SSBP3: variants seen among roughly 807,000 people sequenced by gnomAD.
SSBP3 encodes single stranded DNA binding protein 3, also known as single-stranded DNA-binding protein 3.
SSBP3 carries 5 observed loss-of-function variants against 69.6 expected under a neutral mutation model. The ratio of observed to expected loss-of-function variants is 0.07; its 90% CI spans 0.04 to 0.15. The LOEUF (loss-of-function observed/expected upper bound fraction) is 0.15, where lower values mean the gene tolerates loss of function less well. SSBP3 is among the 10% of genes least tolerant of loss of function. The pLI, the probability that SSBP3 is intolerant of heterozygous loss-of-function variation, is 1.00. For missense variants in SSBP3, 312 were observed against 534.0 expected (o/e 0.58, Z 4.10); for synonymous variants, 196 against 193.4 (o/e 1.01, Z -0.11).
At chr1:54,253,523 G>A (rs764739837) in intron 7 of SSBP3, among the ~76,000 whole-genome samples, 16 of 152,084 alleles carry the variant, frequency 1.1e-4, no homozygotes, top group African/African-American at 1.9e-4. Flanking sequence ...TGCTGTTTCC[G>A]TCTGCCTGGG....
intron 4 of SSBP3, among the ~76,000 whole-genome samples, chr1:54,288,008 A>T (rs1645523034): frequency 6.6e-6 from 1 of 152,122 alleles, no homozygotes; most frequent in Non-Finnish European, 1.5e-5. Flanking sequence ...GTGTGGGAGG[A>T]GGGATGGATG....
chr1:54,317,114 G>A (rs1467861650), intron 4 of SSBP3, among the ~76,000 whole-genome samples: 1 of 152,188 alleles, frequency 6.6e-6, no homozygotes, highest in East Asian at 1.9e-4. Flanking sequence ...AGGCAAAGAT[G>A]TTCACTGCAG....
intron 9 of SSBP3, among the ~76,000 whole-genome samples, chr1:54,249,072 T>A (rs1644781273): frequency 6.6e-6 from 1 of 151,992 alleles, no homozygotes; most frequent in African/African-American, 2.4e-5. Flanking sequence ...GACCCTCACT[T>A]CTTTAAAGTG....
chr1:54,382,923 T>C (rs374996374), intron 4 of SSBP3, among the ~76,000 whole-genome samples: 2 of 135,302 alleles, frequency 1.5e-5, no homozygotes, highest in East Asian at 2.2e-4. Context: ...AGGCGGAGGC[T>C]GCGGTGAGCC....
At position 54,316,647 on chromosome 1, in the gene SSBP3, CAAAAAA is replaced by C. The variant is rs1199647407; in HGVS notation, c.277-35126_277-35121del. ...TGGGCGACAGAGCGAGACTCCGTCT[CAAAAAA>C]AAAAAATAAAATAAATAAATAAATA... is the stretch of plus-strand genomic sequence containing the variant. On this transcript the variant is annotated intron_variant, in intron 4 of 17. Coordinates refer to ENST00000610401, the Ensembl canonical transcript of SSBP3. Among the ~76,000 whole-genome samples, 36 of 34,066 alleles carry C rather than the reference CAAAAAA, an allele frequency of 1.1e-3. 1 individual carries two copies. Among genetic ancestry groups the C allele is most frequent in the East Asian group, 9.0e-3 (10 of 1,110 alleles). The allele number at this position is 34,066 out of a possible 152,430, so 22.3% of individuals were successfully genotyped here.
chr1:54,256,506 A>AT (rs1360919852), intron 7 of SSBP3, among the ~76,000 whole-genome samples: 2 of 152,266 alleles, frequency 1.3e-5, no homozygotes, highest in East Asian at 3.9e-4. Context: ...AGCGTAAGGC[A>AT]TATGACCCCA....
intron 4 of SSBP3, among the ~76,000 whole-genome samples, chr1:54,343,496 A>G (rs981781567): frequency 6.6e-5 from 10 of 152,204 alleles, no homozygotes; most frequent in Non-Finnish European, 1.2e-4. Flanking sequence ...AACGGACACT[A>G]AGAGGCCATG....
At chr1:54,326,073 G>T (rs546802528) in intron 4 of SSBP3, among the ~76,000 whole-genome samples, 1 of 152,214 alleles carries the variant, frequency 6.6e-6, no homozygotes, top group East Asian at 1.9e-4. Flanking sequence ...AGGGATGGCG[G>T]TGCTGATGGC....
chr1:54,319,308 C>T (rs1199985874), intron 4 of SSBP3, among the ~76,000 whole-genome samples: 4 of 152,066 alleles, frequency 2.6e-5, no homozygotes, highest in African/African-American at 7.2e-5. Flanking sequence ...TGCACAGTGA[C>T]GGTCACCTTC....
chr1:54,364,883 C>T (rs12063509), intron 4 of SSBP3, among the ~76,000 whole-genome samples: 13,791 of 152,176 alleles, frequency 0.091, 1,690 homozygotes, highest in African/African-American at 0.28. Context: ...CAACTCTGCC[C>T]GTGAATAGTC....
chr1:54,306,769 C>G (rs868058555), intron 4 of SSBP3, among the ~76,000 whole-genome samples: 14 of 152,086 alleles, frequency 9.2e-5, no homozygotes, highest in Middle Eastern at 3.4e-3. Context: ...TCGAAACGAA[C>G]CTGGGCAACA....
At chr1:54,327,598 T>C (rs1198574885) in intron 4 of SSBP3, among the ~76,000 whole-genome samples, 2 of 152,192 alleles carry the variant, frequency 1.3e-5, no homozygotes, top group Non-Finnish European at 2.9e-5. Context: ...TTTTTAATGA[T>C]TCTGCAGCTG....
At chr1:54,366,412 G>A (rs1010298218) in intron 4 of SSBP3, among the ~76,000 whole-genome samples, 8 of 152,166 alleles carry the variant, frequency 5.3e-5, no homozygotes, top group African/African-American at 1.9e-4. Context: ...ATACAGATGA[G>A]GAATGTGATG....
intron 9 of SSBP3, among the ~76,000 whole-genome samples, chr1:54,249,504 G>A (rs1466816046): frequency 6.6e-6 from 1 of 151,988 alleles, no homozygotes; most frequent in Non-Finnish European, 1.5e-5. Flanking sequence ...AGACCAGTCT[G>A]GGCAACATGG....
At chr1:54,242,171 G>A in exon 11 of SSBP3, 2 of 1,613,472 alleles carry the variant, frequency 1.2e-6, no homozygotes, top group Non-Finnish European at 1.7e-6. Flanking sequence ...CACTGAGTTA[G>A]CACTGTTAGG....
intron 4 of SSBP3, among the ~76,000 whole-genome samples, chr1:54,396,184 T>G (rs1648851657): frequency 1.3e-5 from 1 of 76,058 alleles, no homozygotes; most frequent in Non-Finnish European, 2.0e-5. Flanking sequence ...AGAGTGAGAC[T>G]CCATCTCAGA....
intron 4 of SSBP3, among the ~76,000 whole-genome samples, chr1:54,400,181 C>G (rs1557594453): frequency 1.3e-5 from 2 of 152,198 alleles, no homozygotes; most frequent in Admixed American, 1.3e-4. Flanking sequence ...GCCAAAGACT[C>G]TCAAATTTGT....
At chr1:54,413,030 A>T (rs1419093007) in intron 1 of SSBP3, 1 of 152,158 alleles carries the variant, frequency 6.6e-6, no homozygotes, top group African/African-American at 2.4e-5. Flanking sequence ...TTTTTAAAAA[A>T]CTAAAAAGAG....
At chr1:54,240,706 C>G (rs1644618510) in intron 13 of SSBP3, among the ~76,000 whole-genome samples, 199 bp downstream of exon 13, 1 of 152,112 alleles carries the variant, frequency 6.6e-6, no homozygotes, top group African/African-American at 2.4e-5. Flanking sequence ...CAGCCCTGTC[C>G]TTTATGGAGC....
Sources: allele counts gnomAD v4.1 joint callset (sites outside exome capture counted in the v4.1 genomes callset), GRCh38; gene constraint gnomAD v4.1.1; transcripts MANE v1.5; gene names NCBI Gene and HGNC (gene_info 2026-07-23, HGNC 2026-07-21).